The following KCNH6 variants were observed in gnomAD, a reference collection of about 807,000 sequenced individuals.
The protein encoded by KCNH6 is potassium voltage-gated channel subfamily H member 6, also known as voltage-gated inwardly rectifying potassium channel KCNH6.
A neutral mutation model predicts 83.4 loss-of-function variants in KCNH6; 81 were observed. The observed-to-expected ratio is 0.97, with a 90% CI of 0.81 to 1.17. The LOEUF is 1.17. KCNH6 is among the 50% of genes most tolerant of loss of function. The probability of loss-of-function intolerance (pLI) is 0.00; values close to 1 mark genes in which losing one functional copy is unlikely to be tolerated. For synonymous variants in KCNH6, 503 were observed against 545.6 expected (o/e 0.92, Z 1.09); for missense variants, 1,203 against 1,290.5 (o/e 0.93, Z 1.04).
In KCNH6 at chr17:63,523,671, G is replaced by A. The variant is rs573681637; in HGVS notation, c.76+182G>A. Among the ~76,000 whole-genome samples, 1 of 152,176 alleles carries A rather than the reference G, an allele frequency of 6.6e-6. No individual in the cohort carries two copies. The highest frequency in any genetic ancestry group is 1.9e-4 in the East Asian group (1 of 5,174). On this transcript the variant is annotated intron_variant, in intron 1 of 12. Coordinates refer to ENST00000314672, the MANE Select transcript of KCNH6 (RefSeq NM_001278919.2). This position sits in a 1 kb window ranked among gnomAD's most constrained non-coding sequence, Gnocchi z 4.2. Reference sequence around the variant, plus strand: ...CCAGGGGGACCCGCTTGCCTTAAATGCTGTCCTCTTTTCTGGAACACAAGG... The same window carrying A: ...CCAGGGGGACCCGCTTGCCTTAAATACTGTCCTCTTTTCTGGAACACAAGG...
rs768745872 is a variant in KCNH6, at chr17:63,536,057, T to C, written c.1490T>C (p.Met497Thr). 3 of 1,613,074 alleles carry C rather than the reference T, an allele frequency of 1.9e-6. No homozygotes were observed. The highest frequency in any genetic ancestry group is 1.7e-6 in the Non-Finnish European group (2 of 1,179,838). The change falls in exon 6 of 13, where the codon ATG becomes ACG. Residue 497 changes from methionine to threonine, a missense_variant. Transcript: ENST00000314672. ...GAGAAGGTCTTCTCCATCTGCGTCA[T>C]GCTCATCGGCTGTGAGTGAGACCTC... is the stretch of plus-strand genomic sequence containing the variant. The part of the protein sequence containing the change: ...NSEKVFSICV[M>T]LIGSLMYASI...
chr17:63,525,355 C>G (rs1419214737), intron 2 of KCNH6, among the ~76,000 whole-genome samples: 1 of 152,188 alleles, frequency 6.6e-6, no homozygotes, highest in Admixed American at 6.5e-5. Context: ...TCGGAGATTT[C>G]TTTTGAGTAA....
intron 11 of KCNH6, 24 bp downstream of exon 11, chr17:63,544,435 G>C: frequency 6.7e-7 from 1 of 1,494,472 alleles, no homozygotes; most frequent in Non-Finnish European, 8.9e-7. Flanking sequence ...GGTCAGGGCT[G>C]GGGGCTGGTC....
At chr17:63,539,634 G>A (rs914198508) in intron 8 of KCNH6, among the ~76,000 whole-genome samples, 12 of 152,188 alleles carry the variant, frequency 7.9e-5, no homozygotes, top group African/African-American at 2.9e-4. Flanking sequence ...CCACGCCACA[G>A]TCTGCCAAGG....
Position 63,545,739 on chromosome 17 carries a change from T to C in KCNH6, c.2714T>C (p.Leu905Pro). 6.2e-7 allele frequency: 1 copy of C among 1,614,114 alleles called. No homozygotes were observed. Among genetic ancestry groups the C allele is most frequent in the Non-Finnish European group, 8.5e-7 (1 of 1,180,024 alleles). ...PSSEQEQPEG[L>P]WPPLASPLHP... The stretch of plus-strand genomic sequence containing the variant: ...TCAGAACAGGAACAGCCTGAGGGGC[T>C]CTGGCCACCCCTAGCCTCACCTCTA... Residue 905 changes from leucine (L) to proline (P), a missense_variant, in exon 13 of 13, where the codon CTC becomes CCC. Transcript: ENST00000314672.
intron 10 of KCNH6, chr17:63,543,984 C>G: frequency 7.8e-7 from 1 of 1,277,086 alleles, no homozygotes. Context: ...GGCAGTGAAA[C>G]CAGTGCTAAA....
intron 9 of KCNH6, 107 bp from the exon 10 acceptor site, chr17:63,543,469 A>G (rs1020371443): frequency 4.9e-5 from 36 of 740,372 alleles, no homozygotes; most frequent in African/African-American, 3.5e-4. Context: ...GCTGCTTGTC[A>G]TTCTTTCACC....
At chr17:63,524,427 A>G (rs1015922642) in intron 2 of KCNH6, 58 bp downstream of exon 2, 2 of 1,497,014 alleles carry the variant, frequency 1.3e-6, no homozygotes, top group Non-Finnish European at 1.8e-6. Flanking sequence ...TGTCTTGTCC[A>G]GCCAGGGTGG....
intron 3 of KCNH6, 41 bp from the exon 4 acceptor site, chr17:63,530,296 C>G (rs1307393841): frequency 1.2e-6 from 2 of 1,613,734 alleles, no homozygotes; most frequent in Non-Finnish European, 1.7e-6. Flanking sequence ...GCATGAGGGT[C>G]CCCTGGCCGT....
chr17:63,545,455 A>T (rs527881070), intron 12 of KCNH6, among the ~76,000 whole-genome samples, 154 bp from the exon 13 acceptor site: 1 of 152,232 alleles, frequency 6.6e-6, no homozygotes, highest in South Asian at 2.1e-4. Flanking sequence ...AAAGCCCAGA[A>T]TGTGACTCCA....
rs568737787 is a variant in KCNH6, at chr17:63,538,715, C to A, written c.1954+53C>A. 4.0e-6 allele frequency: 6 copies of A among 1,509,550 alleles called. No individual in the cohort carries two copies. Among genetic ancestry groups the A allele is most frequent in the East Asian group, 4.6e-5 (2 of 43,640 alleles). 93.5% of individuals were successfully genotyped at this position (1,509,550 alleles called of 1,614,324 possible). On this transcript the variant is annotated intron_variant, in intron 8 of 12. Coordinates refer to ENST00000314672, the MANE Select transcript of KCNH6 (RefSeq NM_001278919.2). The surrounding 1 kb of genome is among the most constrained non-coding windows in gnomAD (Gnocchi z 4.0). Reference sequence around the variant, plus strand: ...GTGTTGGGGATTGGATGGAAGAGGGCGGGATTGGAGATGCCCTGCCCAGGC... The same window carrying A: ...GTGTTGGGGATTGGATGGAAGAGGGAGGGATTGGAGATGCCCTGCCCAGGC...
At chr17:63,541,137 A>T (rs2032834065) in intron 8 of KCNH6, among the ~76,000 whole-genome samples, 2 of 152,130 alleles carry the variant, frequency 1.3e-5, no homozygotes, top group South Asian at 4.1e-4. Flanking sequence ...GGGTGGCACA[A>T]CATCTTATAT....
In KCNH6 at chr17:63,530,170, C is replaced by A. The variant is rs757941229; in HGVS notation, c.387C>A (p.Phe129Leu). 16 of 1,614,090 alleles carry A rather than the reference C, an allele frequency of 9.9e-6. No individual in the cohort carries two copies. Among genetic ancestry groups the A allele is most frequent in the Non-Finnish European group, 1.3e-5 (15 of 1,180,048 alleles). Residue 129 changes from phenylalanine to leucine, a missense_variant, in exon 3 of 13, where the codon TTC (phenylalanine) becomes TTA (leucine). By Grantham distance (22) the Phe-to-Leu change is conservative. Coordinates refer to ENST00000314672, the MANE Select transcript of KCNH6 (RefSeq NM_001278919.2). ...DGAVIMFILN[F>L]EDLAQLLAKC... ...CTGTCATCATGTTCATTCTCAACTT[C>A]GAGGACCTGGCCCAGCTCCTGGCCA...
chr17:63,524,080 C>A, intron 1 of KCNH6, 59 bp from the exon 2 acceptor site: 1 of 1,220,952 alleles, frequency 8.2e-7, no homozygotes, highest in South Asian at 1.2e-5. Flanking sequence ...ATGATCTTTC[C>A]CTCCCAGCCG....
At chr17:63,524,438 C>A in intron 2 of KCNH6, 69 bp downstream of exon 2, 2 of 1,419,240 alleles carry the variant, frequency 1.4e-6, no homozygotes, top group Non-Finnish European at 2.0e-6. Context: ...GCCAGGGTGG[C>A]CTTGGGGAAG....
chr17:63,546,100 C>T lies in KCNH6; in HGVS notation c.*198C>T, dbSNP rs1223310724. 1.1e-5 allele frequency: 6 copies of T among 530,254 alleles called. No homozygotes were observed. The Admixed American group carries it at 1.3e-4, about 11-fold the overall frequency. The allele number at this position is 530,254 out of a possible 1,614,324, so 32.8% of individuals were successfully genotyped here. On this transcript the variant is annotated 3_prime_UTR_variant, in exon 13 of 13. Coordinates refer to ENST00000314672, the MANE Select transcript of KCNH6 (RefSeq NM_001278919.2). The stretch of plus-strand genomic sequence containing the variant: ...TTAAAAAAGAAAAAAAATAGCCGGG[C>T]GTGGTGGCAGGCGCCTGTAATCCCA...
chr17:63,546,823 C>G (rs2033158243), downstream of KCNH6: 2 of 152,284 alleles, frequency 1.3e-5, no homozygotes, highest in Admixed American at 1.3e-4. Flanking sequence ...TTACCCTCCA[C>G]CATATCCAGT....
intron 4 of KCNH6, among the ~76,000 whole-genome samples, chr17:63,531,859 G>C (rs971499881): frequency 3.3e-5 from 5 of 152,182 alleles, no homozygotes; most frequent in Admixed American, 6.5e-5. Context: ...TCCTCAGCTT[G>C]GCCCCTCTTG....
rs1449819141 is a variant in KCNH6, at chr17:63,533,438, A to G, written c.676-448A>G. On this transcript the variant is annotated intron_variant, in intron 4 of 12. Transcript: ENST00000314672. The surrounding 1 kb of genome is among the most constrained non-coding windows in gnomAD (Gnocchi z 4.1). ...AAAGGAAGACATTCTTCTAGGGGTG[A>G]CCTGTTCCCATCAGGAACCCTGACC... is the stretch of plus-strand genomic sequence containing the variant. 6.6e-6 allele frequency among the ~76,000 whole-genome samples: 1 copy of G among 151,976 alleles called. No individual in the cohort carries two copies. Among genetic ancestry groups the G allele is most frequent in the Non-Finnish European group, 1.5e-5 (1 of 67,976 alleles).
Sources: allele counts gnomAD v4.1 joint callset (sites outside exome capture counted in the v4.1 genomes callset), GRCh38; gene constraint gnomAD v4.1.1; non-coding constraint Gnocchi (gnomAD v3.1); transcripts MANE v1.5; gene names NCBI Gene and HGNC (gene_info 2026-07-23, HGNC 2026-07-21).